Variants in XPOT observed in about 807,000 individuals in gnomAD.
The protein encoded by XPOT is exportin-T.
A neutral mutation model predicts 128.2 loss-of-function variants in XPOT; 34 were observed. The observed-to-expected ratio is 0.27, with a 90% confidence interval of 0.20 to 0.35. XPOT has a LOEUF of 0.35. Among genes scored for constraint, XPOT ranks in the 10% least tolerant of loss-of-function variants. The pLI is 1.00. For missense variants in XPOT, 838 were observed against 1,125.3 expected (o/e 0.74, Z 3.65); for synonymous variants, 348 against 394.3 (o/e 0.88, Z 1.39).
Position 64,420,110 on chromosome 12 carries a change from A to T in XPOT, c.530A>T (p.Glu177Val). 4 of 1,601,120 alleles carry T rather than the reference A, an allele frequency of 2.5e-6. No homozygotes were observed. The highest frequency in any genetic ancestry group is 3.4e-6 in the Non-Finnish European group (4 of 1,175,962). The change falls in exon 7 of 25, where the codon GAA becomes GTA. Residue 177 changes from glutamate (E) to valine (V), a missense_variant. Coordinates refer to ENST00000332707, the MANE Select transcript of XPOT (RefSeq NM_007235.6). ...RNTLIKDTMR[E>V]QCIPNLVESW... ...ACTCTCATAAAAGATACCATGAGGG[A>T]ACAGTGCATTCCAAATCTGGTGGAA... is the stretch of plus-strand genomic sequence containing the variant.
At chr12:64,412,734 C>T (rs1457960155) in intron 2 of XPOT, among the ~76,000 whole-genome samples, 2 of 152,196 alleles carry the variant, frequency 1.3e-5, no homozygotes, top group Non-Finnish European at 2.9e-5. Context: ...AGCATCACAT[C>T]CCACAAGTTA....
intron 1 of XPOT, among the ~76,000 whole-genome samples, chr12:64,409,006 CTT>C (rs60148480): frequency 6.7e-6 from 1 of 148,364 alleles, no homozygotes; most frequent in African/African-American, 2.5e-5. Flanking sequence ...TATTGAAAAA[CTT>C]TTTTTTTTTT....
chr12:64,444,988 A>T (rs540604674), intron 23 of XPOT, 87 bp from the exon 24 acceptor site: 33,454 of 681,818 alleles, frequency 0.049, 28 homozygotes, highest in South Asian at 0.069. Flanking sequence ...AAAAAAAAAA[A>T]TTAAAAAAAA....
At chr12:64,439,531 C>T (rs983601269) in intron 23 of XPOT, among the ~76,000 whole-genome samples, 1 of 152,200 alleles carries the variant, frequency 6.6e-6, no homozygotes, top group Non-Finnish European at 1.5e-5. Context: ...TAAGTCCTTA[C>T]TGTTCTAGCA....
intron 22 of XPOT, among the ~76,000 whole-genome samples, chr12:64,438,246 A>C (rs960112737): frequency 1.6e-4 from 24 of 152,184 alleles, no homozygotes; most frequent in African/African-American, 5.6e-4. Flanking sequence ...AAAACAAAAA[A>C]AAGTTTTGCT....
chr12:64,427,117 C>CT lies in XPOT; in HGVS notation c.1668-915dup, dbSNP rs869255660. On this transcript the variant is annotated intron_variant, in intron 15 of 24. Coordinates refer to ENST00000332707, the MANE Select transcript of XPOT (RefSeq NM_007235.6). ...CAGGTCAGGTAGATGTACTCCCGAC[C>CT]TTTTTTTTTTTTTTTTTTTGAGACA... 7.2e-3 allele frequency among the ~76,000 whole-genome samples: 926 copies of CT among 128,686 alleles called. 12 individuals carry two copies. The highest frequency in any genetic ancestry group is 0.019 in the East Asian group (85 of 4,548). 84.4% of individuals were successfully genotyped at this position (128,686 alleles called of 152,430 possible).
intron 22 of XPOT, among the ~76,000 whole-genome samples, chr12:64,438,679 G>A (rs1377034203): frequency 6.6e-6 from 1 of 151,136 alleles, no homozygotes; most frequent in Non-Finnish European, 1.5e-5. Context: ...CCAGGCTGGA[G>A]TGCACTGGCA....
At chr12:64,435,544 C>T (rs1174125142) in intron 21 of XPOT, 83 bp from the exon 22 acceptor site, 3 of 1,087,384 alleles carry the variant, frequency 2.8e-6, no homozygotes, top group Admixed American at 6.7e-5. Flanking sequence ...ATTTCCCTGG[C>T]AGTGGCCAGG....
In XPOT at chr12:64,430,006, A is replaced by G. The variant is rs140321025; in HGVS notation, c.1738-43A>G. On this transcript the variant is annotated intron_variant, in intron 16 of 24. Coordinates refer to ENST00000332707, the MANE Select transcript of XPOT (RefSeq NM_007235.6). ...CACTTTTTCTCATTAAATGAAGGGAACTCAAAAAATAAAAGCTTTAATAAG... is the reference window on the plus strand; with the variant it reads ...CACTTTTTCTCATTAAATGAAGGGAGCTCAAAAAATAAAAGCTTTAATAAG... 5.9e-4 allele frequency: 885 copies of G among 1,493,198 alleles called. 4 individuals carry two copies. In the African/African-American group the frequency reaches 0.01, roughly 17 times the overall value. 92.5% of individuals were successfully genotyped at this position (1,493,198 alleles called of 1,614,324 possible). A position where few individuals can be genotyped will look rare whatever the true frequency, so the allele number is the denominator to read the frequency against.
chr12:64,447,351 C>T (rs1393670654), intron 24 of XPOT, among the ~76,000 whole-genome samples: 1 of 152,220 alleles, frequency 6.6e-6, no homozygotes, highest in Non-Finnish European at 1.5e-5. Context: ...CCTAGCACAG[C>T]CTCTAGCCAA....
intron 12 of XPOT, 95 bp downstream of exon 12, chr12:64,424,818 G>A (rs61931552): frequency 0.099 from 146,503 of 1,480,532 alleles, 8,426 homozygotes; most frequent in Middle Eastern, 0.22. Context: ...ATTAATCCAT[G>A]TTACTTATTG....
rs2040385545 is a variant in XPOT, at chr12:64,448,778, A to G, written c.*647A>G. 6.6e-6 allele frequency: 1 copy of G among 152,206 alleles called. No individual in the cohort carries two copies. Among genetic ancestry groups the G allele is most frequent in the East Asian group, 1.9e-4 (1 of 5,202 alleles). The allele number at this position is 152,206 out of a possible 1,614,324, so 9.4% of individuals were successfully genotyped here. On this transcript the variant is annotated 3_prime_UTR_variant, in exon 25 of 25. Transcript: ENST00000332707. Reference sequence around the variant, plus strand: ...ATTTCCCATTTAAAGGTTTACAAATATGAGTGTGTGGATGCTTTAATTCAT... The same window carrying G: ...ATTTCCCATTTAAAGGTTTACAAATGTGAGTGTGTGGATGCTTTAATTCAT...
At chr12:64,421,054 G>T (rs527841832) in intron 8 of XPOT, among the ~76,000 whole-genome samples, 181 bp from the exon 9 acceptor site, 86 of 152,154 alleles carry the variant, frequency 5.7e-4, no homozygotes, top group Non-Finnish European at 1.1e-3. Flanking sequence ...CACCCACTTC[G>T]GCCTTCCAGA....
intron 24 of XPOT, among the ~76,000 whole-genome samples, chr12:64,447,183 G>A (rs960343364): frequency 2.0e-5 from 3 of 152,040 alleles, no homozygotes; most frequent in Non-Finnish European, 4.4e-5. Context: ...TCTCCCACCC[G>A]GTCCTTCCCA....
chr12:64,415,103 T>TATCA, intron 3 of XPOT, 114 bp downstream of exon 3: 1 of 710,408 alleles, frequency 1.4e-6, no homozygotes, highest in Non-Finnish European at 2.4e-6. Flanking sequence ...GACTTTTTTT[T>TATCA]TTTTTTGCAA....
At chr12:64,439,223 T>G in intron 22 of XPOT, 21 bp from the exon 23 acceptor site, 1 of 1,610,090 alleles carries the variant, frequency 6.2e-7, no homozygotes, top group Non-Finnish European at 8.5e-7. Context: ...AAAATAGTTG[T>G]AAGTATCTTT....
chr12:64,435,493 C>G lies in XPOT; in HGVS notation c.2686-134C>G, dbSNP rs1023950888. 3 of 667,540 alleles carry G rather than the reference C, an allele frequency of 4.5e-6. No homozygotes were observed. In the African/African-American group the frequency reaches 5.6e-5, roughly 13 times the overall value. The allele number at this position is 667,540 out of a possible 1,614,324, so 41.4% of individuals were successfully genotyped here. ...CCTGTTACCTTTCCTTCCTCTATCC[C>G]TTCTCTGGAGTTAAATATTTCTCTG... is the stretch of plus-strand genomic sequence containing the variant. On this transcript the variant is annotated intron_variant, in intron 21 of 24. Coordinates refer to ENST00000332707, the MANE Select transcript of XPOT (RefSeq NM_007235.6).
intron 17 of XPOT, among the ~76,000 whole-genome samples, chr12:64,430,689 T>G (rs1053476859): frequency 6.6e-6 from 1 of 152,190 alleles, no homozygotes; most frequent in Non-Finnish European, 1.5e-5. Context: ...TTTTTCCGCC[T>G]CTAGCCATAC....
At chr12:64,441,542 G>T (rs2040324366) in intron 23 of XPOT, among the ~76,000 whole-genome samples, 1 of 152,102 alleles carries the variant, frequency 6.6e-6, no homozygotes, top group Non-Finnish European at 1.5e-5. Flanking sequence ...AGGGCCTTTT[G>T]TGATTCCATG....
Sources: gnomAD v4.1 joint callset for allele counts (sites outside exome capture counted in the v4.1 genomes callset) on GRCh38, gnomAD v4.1.1 for gene constraint, MANE v1.5 for transcripts, NCBI Gene and HGNC (gene_info 2026-07-23, HGNC 2026-07-21) for gene names.